The following NOS2 variants were observed in gnomAD, a reference collection of about 807,000 sequenced individuals.
NOS2 encodes nitric oxide synthase, inducible.
In NOS2, 96 loss-of-function variants were observed where a neutral mutation model predicts 136.0. That is an observed-to-expected ratio of 0.71 (90% confidence interval 0.60 to 0.84). NOS2 has a LOEUF of 0.84. Ranked by LOEUF, NOS2 falls within the 40% of genes least tolerant of loss-of-function variation. NOS2 has a pLI of 0.00. For synonymous variants in NOS2, 539 were observed against 587.5 expected (o/e 0.92, Z 1.20); for missense variants, 1,237 against 1,496.9 (o/e 0.83, Z 2.87).
At chr17:27,790,825 C>T (rs28998827) in intron 2 of NOS2, among the ~76,000 whole-genome samples, 46 of 152,278 alleles carry the variant, frequency 3.0e-4, no homozygotes, top group African/African-American at 1.0e-3. Context: ...TTCATTCCGG[C>T]GAACTGAATA....
Position 27,762,928 on chromosome 17 carries a change from C to A in NOS2, c.2670G>T (p.Arg890=), listed in dbSNP as rs375752351. The change falls in exon 22 of 27, where the codon CGG becomes CGT. Residue 890 remains arginine, a synonymous_variant. Coordinates refer to ENST00000313735, the MANE Select transcript of NOS2 (RefSeq NM_000625.4). ...LEVLEEFPSL[R]VSAGFLLSQL... is the part of the protein sequence containing the mutation. ...GGGAAAGCAGGAAGCCAGCAGACAC[C>A]CGCAGGGACGGGAACTCCTCTAGCA... 15 of 1,604,872 alleles carry A rather than the reference C, an allele frequency of 9.3e-6. No homozygotes were observed. The highest frequency in any genetic ancestry group is 1.1e-5 in the Non-Finnish European group (13 of 1,176,828).
chr17:27,772,466 C>G lies in NOS2; in HGVS notation c.1560-14G>C, dbSNP rs778347293. The G allele has an allele frequency of 7.4e-6, 12 of 1,613,524 alleles. No homozygotes were observed. The highest frequency in any genetic ancestry group is 3.3e-4 in the Middle Eastern group (2 of 6,068). ...AAGAGCACAGCTCTGTGGGGACAGA[C>G]AGACAGGCAGGCGCTGTGTGCTGAG... On this transcript the variant is annotated splice_polypyrimidine_tract_variant and intron_variant, in intron 13 of 26. Transcript: ENST00000313735.
intron 11 of NOS2, among the ~76,000 whole-genome samples, chr17:27,778,445 G>A (rs1329092974): frequency 2.6e-5 from 4 of 152,306 alleles, no homozygotes; most frequent in East Asian, 1.9e-4. Context: ...CAGAGAGAGA[G>A]ACATTGATGA....
intron 3 of NOS2, 134 bp downstream of exon 3, chr17:27,789,470 G>A (rs1218627925): frequency 5.5e-5 from 38 of 697,018 alleles, no homozygotes; most frequent in East Asian, 1.0e-4. Context: ...CCAACACCCC[G>A]GGTCTGGGAC....
intron 1 of NOS2, among the ~76,000 whole-genome samples, chr17:27,799,414 T>C (rs988509152): frequency 3.3e-5 from 5 of 152,194 alleles, no homozygotes; most frequent in African/African-American, 1.2e-4. Context: ...CCTCTTTTAT[T>C]ATGTGGGGAG....
intron 15 of NOS2, among the ~76,000 whole-genome samples, chr17:27,769,820 G>C (rs1016534494): frequency 2.6e-5 from 4 of 152,180 alleles, no homozygotes; most frequent in Non-Finnish European, 5.9e-5. Context: ...CTTAATGGGG[G>C]ACCTGGAACA....
At chr17:27,758,403 GT>G (rs1277423892) in intron 26 of NOS2, among the ~76,000 whole-genome samples, 3 of 152,214 alleles carry the variant, frequency 2.0e-5, no homozygotes, top group African/African-American at 7.2e-5. Context: ...AGTATGCCCA[GT>G]GTAAGCCCTT....
At chr17:27,792,815 C>CAAAAAAAAAAA in intron 2 of NOS2, among the ~76,000 whole-genome samples, 1 of 52,512 alleles carries the variant, frequency 1.9e-5, no homozygotes, top group Non-Finnish European at 3.2e-5. Flanking sequence ...CCTATCTCTA[C>CAAAAAAAAAAA]AAAAAAAAAA....
intron 5 of NOS2, 147 bp downstream of exon 5, chr17:27,787,531 G>C: frequency 1.5e-6 from 1 of 657,196 alleles, no homozygotes. Flanking sequence ...CTAGAAAACC[G>C]TGATTTTCGC....
chr17:27,791,790 AAC>A (rs1567643090), intron 2 of NOS2, among the ~76,000 whole-genome samples: 12 of 150,920 alleles, frequency 8.0e-5, no homozygotes, highest in African/African-American at 2.5e-4. Context: ...AACAAAACAA[AAC>A]AAAACAAAAC....
Position 27,768,993 on chromosome 17 carries a change from G to A in NOS2, c.2018C>T (p.Ala673Val). ...GGAACTGACCTTGAAGGTTTGCACG[G>A]CCCAGCTGCGGAAGGCGTCCTCCTG... ...SGQEDAFRSW[A>V]VQTFKAACET... The change falls in exon 17 of 27, where the codon GCC becomes GTC. Residue 673 changes from alanine (A) to valine (V), a missense_variant. Physicochemically the swap from Ala to Val is moderately conservative, Grantham distance 64. This residue lies in a region of NOS2 where 782 missense variants were observed against 909.9 expected (regional missense o/e 0.86). Coordinates refer to ENST00000313735, the MANE Select transcript of NOS2 (RefSeq NM_000625.4). The A allele has an allele frequency of 6.2e-7, 1 of 1,608,170 alleles. No homozygotes were observed. Among genetic ancestry groups the A allele is most frequent in the Non-Finnish European group, 8.5e-7 (1 of 1,177,466 alleles).
At chr17:27,782,210 A>T (rs1908871773) in intron 6 of NOS2, 104 bp from the exon 7 acceptor site, 2 of 906,492 alleles carry the variant, frequency 2.2e-6, no homozygotes, top group Admixed American at 4.0e-5. Flanking sequence ...GAAACACTCA[A>T]CACACAAACA....
At position 27,758,941 on chromosome 17, in the gene NOS2, C is replaced by T. The variant is rs1210456303; in HGVS notation, c.3294G>A (p.Leu1098=). Residue 1098 remains leucine, a synonymous_variant, in exon 26 of 27, where the codon CTG becomes CTA. Coordinates refer to ENST00000313735, the MANE Select transcript of NOS2 (RefSeq NM_000625.4). ...CATTCAATTTCAGCTTGGCAGCCACCAGCTGCTTCAGGGTGTGGGCCACGT... is the reference window on the plus strand; with the variant it reads ...CATTCAATTTCAGCTTGGCAGCCACTAGCTGCTTCAGGGTGTGGGCCACGT... The part of the protein sequence containing the change: ...ARDVAHTLKQ[L]VAAKLKLNEE... The T allele has an allele frequency of 1.9e-6, 3 of 1,611,848 alleles. No individual in the cohort carries two copies. Among genetic ancestry groups the T allele is most frequent in the African/African-American group, 1.3e-5 (1 of 74,828 alleles).
chr17:27,782,569 G>T (rs1346683228), intron 6 of NOS2, among the ~76,000 whole-genome samples: 1 of 152,228 alleles, frequency 6.6e-6, no homozygotes, highest in Non-Finnish European at 1.5e-5. Context: ...GATGGCCTAG[G>T]AGGCTAGGCT....
At chr17:27,770,860 G>T (rs1908468464) in intron 15 of NOS2, 53 bp downstream of exon 15, 4 of 1,355,784 alleles carry the variant, frequency 3.0e-6, no homozygotes, top group African/African-American at 1.4e-5. Context: ...CCCTTTCCTG[G>T]GTCCTCCCGT....
Position 27,759,069 on chromosome 17 carries a change from C to T in NOS2, c.3166G>A (p.Val1056Ile), listed in dbSNP as rs1908025168. ...SRLPGKPKVY[V>I]QDILRQQLAS... ...AGCTGCTGCCGCAGGATGTCCTGAA[C>T]ATAGACCTGAAACCAGAGGAAACAG... The change falls in exon 26 of 27, where the codon GTT (valine) becomes ATT (isoleucine). Residue 1056 changes from valine (V) to isoleucine (I), a missense_variant. Val to Ile is a conservative substitution (Grantham distance 29). Transcript: ENST00000313735. 1 of 1,592,820 alleles carries T rather than the reference C, an allele frequency of 6.3e-7. No individual in the cohort carries two copies. The highest frequency in any genetic ancestry group is 1.3e-5 in the African/African-American group (1 of 74,210).
At position 27,769,009 on chromosome 17, in the gene NOS2, C is replaced by A; in HGVS notation, c.2002G>T (p.Ala668Ser). 6.2e-7 allele frequency: 1 copy of A among 1,610,874 alleles called. No homozygotes were observed. The highest frequency in any genetic ancestry group is 1.1e-5 in the South Asian group (1 of 90,542). ...EGDELSGQEDAFRSWAVQTFK... is the reference protein window; with the variant it reads ...EGDELSGQEDSFRSWAVQTFK... ...GTTTGCACGGCCCAGCTGCGGAAGG[C>A]GTCCTCCTGCCCACTGAGCTCATCC... The change falls in exon 17 of 27, where the codon GCC becomes TCC. Residue 668 changes from alanine to serine, a missense_variant. Ala to Ser is a moderately conservative substitution (Grantham distance 99). Coordinates refer to ENST00000313735, the MANE Select transcript of NOS2 (RefSeq NM_000625.4).
At chr17:27,767,114 G>A (rs979281136) in intron 18 of NOS2, among the ~76,000 whole-genome samples, 1 of 152,178 alleles carries the variant, frequency 6.6e-6, no homozygotes, top group African/African-American at 2.4e-5. Context: ...AAAGTCCCGG[G>A]ACATCTCCAT....
rs559872076 is a variant in NOS2 at position 27,784,995 on chromosome 17, C to T, written c.468-1889G>A. Among the ~76,000 whole-genome samples the T allele has an allele frequency of 3.3e-5, 5 of 152,278 alleles. No homozygotes were observed. The South Asian group carries it at 6.2e-4, about 19-fold the overall frequency. On this transcript the variant is annotated intron_variant, in intron 5 of 26. Transcript: ENST00000313735. Reference sequence around the variant, plus strand: ...TAGCCCTGCTGGGCTTCTGAACACCCGCCCAATTGCCTTCCACACAACAGC... The same window carrying T: ...TAGCCCTGCTGGGCTTCTGAACACCTGCCCAATTGCCTTCCACACAACAGC...
Sources: gnomAD v4.1 joint callset for allele counts (sites outside exome capture counted in the v4.1 genomes callset) on GRCh38, gnomAD v4.1.1 for gene constraint, gnomAD v4.1.1 regional missense constraint, MANE v1.5 for transcripts, NCBI Gene and HGNC (gene_info 2026-07-23, HGNC 2026-07-21) for gene names.